The following MORC1 variants were observed in gnomAD, a reference collection of about 807,000 sequenced individuals.
The protein encoded by MORC1 is MORC family CW-type zinc finger 1.
In MORC1, 59 loss-of-function variants were observed where a neutral mutation model predicts 134.9. The observed-to-expected ratio is 0.44, with a 90% CI of 0.35 to 0.54. The LOEUF is 0.54. Ranked by LOEUF, MORC1 falls within the 20% of genes least tolerant of loss-of-function variation. MORC1 has a pLI of 0.00. For missense variants in MORC1, 947 were observed against 1,134.5 expected (o/e 0.83, Z 2.37); for synonymous variants, 395 against 391.7 (o/e 1.01, Z -0.10).
intron 17 of MORC1, 135 bp from the exon 18 acceptor site, chr3:109,007,226 A>G: frequency 1.6e-6 from 1 of 616,758 alleles, no homozygotes; most frequent in Non-Finnish European, 2.8e-6. Flanking sequence ...TTGTTCAAGG[A>G]GTGCATTTAA....
At chr3:109,006,425 G>T (rs1948541783) in intron 18 of MORC1, among the ~76,000 whole-genome samples, 1 of 152,152 alleles carries the variant, frequency 6.6e-6, no homozygotes. Context: ...AAATGCCAAA[G>T]ATACAAAATA....
chr3:109,070,676 G>GA (rs111509819), intron 8 of MORC1, among the ~76,000 whole-genome samples: 29 of 145,404 alleles, frequency 2.0e-4, no homozygotes, highest in East Asian at 4.0e-4. Context: ...AAGATGATGG[G>GA]AAAAAAAAAA....
intron 16 of MORC1, among the ~76,000 whole-genome samples, chr3:109,031,952 A>C (rs1349173712): frequency 6.6e-6 from 1 of 152,160 alleles, no homozygotes; most frequent in Non-Finnish European, 1.5e-5. Flanking sequence ...TCTAAATATA[A>C]ATAACCTGAG....
chr3:109,113,900 G>A (rs921730982), intron 2 of MORC1, among the ~76,000 whole-genome samples: 3 of 152,148 alleles, frequency 2.0e-5, no homozygotes, highest in African/African-American at 7.2e-5. Flanking sequence ...TTCCACACAT[G>A]TAGAACTAGG....
At chr3:109,059,333 A>G (rs1950028479) in intron 12 of MORC1, among the ~76,000 whole-genome samples, 1 of 151,968 alleles carries the variant, frequency 6.6e-6, no homozygotes, top group Admixed American at 6.6e-5. Context: ...TATCCTTCCT[A>G]TTTTCATTTT....
intron 7 of MORC1, among the ~76,000 whole-genome samples, chr3:109,093,982 G>A (rs1258364089): frequency 6.6e-6 from 1 of 152,164 alleles, no homozygotes; most frequent in Non-Finnish European, 1.5e-5. Context: ...TATAGCAGGT[G>A]CTGGTAAATT....
At chr3:108,994,287 T>C (rs1402371210) in intron 21 of MORC1, among the ~76,000 whole-genome samples, 1 of 152,008 alleles carries the variant, frequency 6.6e-6, no homozygotes, top group Non-Finnish European at 1.5e-5. Context: ...TGCTTAAAAA[T>C]GTCTATAGAT....
At chr3:108,967,881 T>G (rs1287626947) in intron 26 of MORC1, among the ~76,000 whole-genome samples, 1 of 152,018 alleles carries the variant, frequency 6.6e-6, no homozygotes, top group African/African-American at 2.4e-5. Flanking sequence ...TGAAAAAAAG[T>G]AGAATGAAAA....
At chr3:109,038,398 T>G (rs1013905022) in intron 14 of MORC1, among the ~76,000 whole-genome samples, 51 of 152,236 alleles carry the variant, frequency 3.4e-4, no homozygotes, top group African/African-American at 1.2e-3. Flanking sequence ...GCCTGTTCAC[T>G]CTGATGGTAG....
intron 3 of MORC1, among the ~76,000 whole-genome samples, chr3:109,108,466 G>A (rs1235904198): frequency 1.3e-5 from 2 of 152,064 alleles, no homozygotes; most frequent in African/African-American, 4.8e-5. Flanking sequence ...TCCATTTCTA[G>A]TACTACTGCC....
At chr3:108,998,473 T>C (rs1948300398) in intron 21 of MORC1, among the ~76,000 whole-genome samples, 1 of 152,082 alleles carries the variant, frequency 6.6e-6, no homozygotes, top group Non-Finnish European at 1.5e-5. Flanking sequence ...TCTTTTGTGG[T>C]AGCTAATTAT....
chr3:109,027,986 A>C, intron 16 of MORC1, 97 bp from the exon 17 acceptor site: 1 of 1,316,540 alleles, frequency 7.6e-7, no homozygotes, highest in South Asian at 1.5e-5. Flanking sequence ...GTTACTCTTT[A>C]TGTCATATAT....
At chr3:109,094,498 C>G (rs965186133) in intron 7 of MORC1, among the ~76,000 whole-genome samples, 1 of 152,230 alleles carries the variant, frequency 6.6e-6, no homozygotes, top group Admixed American at 6.5e-5. Context: ...GTCTGCAATA[C>G]TTTTGCTAAC....
chr3:108,958,974 C>T lies in MORC1; in HGVS notation c.2946G>A (p.Ser982=), dbSNP rs2197737. 5.2e-5 allele frequency: 77 copies of T among 1,482,598 alleles called. 1 individual carries two copies. Among genetic ancestry groups the T allele is most frequent in the Middle Eastern group, 4.8e-4 (2 of 4,180 alleles). The allele number at this position is 1,482,598 out of a possible 1,614,324, so 91.8% of individuals were successfully genotyped here. ...RLPLEKNEKT[S]EN is the part of the protein sequence containing the mutation. The stretch of plus-strand genomic sequence containing the variant: ...TAATACCATCTCTGACTTAATTTTC[C>T]GAAGTCTTTTCATTTTTTTCTAAAG... Residue 982 remains serine (S), a synonymous_variant, in exon 28 of 28, where the codon TCG becomes TCA. Transcript: ENST00000232603.
intron 21 of MORC1, among the ~76,000 whole-genome samples, chr3:108,996,875 T>G (rs761513764): frequency 4.1e-4 from 62 of 151,780 alleles, no homozygotes; most frequent in Admixed American, 9.8e-4. Context: ...CCGGGCATGG[T>G]GGCGGGTGCC....
intron 9 of MORC1, among the ~76,000 whole-genome samples, chr3:109,066,865 A>G (rs911939018): frequency 5.3e-5 from 8 of 152,196 alleles, no homozygotes; most frequent in Non-Finnish European, 1.0e-4. Flanking sequence ...AAATGACAAA[A>G]CCTAAATTCA....
chr3:109,020,764 C>CAAA (rs66700715), intron 17 of MORC1, among the ~76,000 whole-genome samples: 1 of 78,434 alleles, frequency 1.3e-5, no homozygotes, highest in Non-Finnish European at 2.7e-5. Context: ...GACTCTGTCT[C>CAAA]AAAAAAAAAA....
chr3:109,022,784 T>G (rs1426533132), intron 17 of MORC1, among the ~76,000 whole-genome samples: 2 of 152,232 alleles, frequency 1.3e-5, no homozygotes. Flanking sequence ...CATCCTTCAT[T>G]GTTTGCTAAA....
chr3:108,970,119 A>T (rs1041144911), intron 25 of MORC1, among the ~76,000 whole-genome samples: 1 of 152,066 alleles, frequency 6.6e-6, no homozygotes, highest in Non-Finnish European at 1.5e-5. Flanking sequence ...GGGTAGTATT[A>T]ATATTTTAAA....
Sources: gnomAD v4.1 joint callset for allele counts (sites outside exome capture counted in the v4.1 genomes callset) on GRCh38, gnomAD v4.1.1 for gene constraint, MANE v1.5 for transcripts, NCBI Gene and HGNC (gene_info 2026-07-23, HGNC 2026-07-21) for gene names.